RSPO2: variants seen among roughly 807,000 people sequenced by gnomAD.
The protein encoded by RSPO2 is R-spondin-2.
In RSPO2, 14 loss-of-function variants were observed where a neutral mutation model predicts 30.9. That is an observed-to-expected ratio of 0.45 (90% CI 0.30 to 0.71). The LOEUF (loss-of-function observed/expected upper bound fraction) is 0.71, where lower values mean the gene tolerates loss of function less well. RSPO2 is among the 30% of genes least tolerant of loss of function. The probability of loss-of-function intolerance (pLI) is 0.08; values close to 1 mark genes in which losing one functional copy is unlikely to be tolerated. For missense variants in RSPO2, 264 were observed against 301.9 expected, an observed-to-expected ratio of 0.87 and a Z score of 0.93; for synonymous variants, 107 against 96.4, an observed-to-expected ratio of 1.11 and a Z score of -0.64.
At chr8:107,907,873 G>C (rs1811702396) in intron 5 of RSPO2, among the ~76,000 whole-genome samples, 1 of 151,962 alleles carries the variant, frequency 6.6e-6, no homozygotes, top group African/African-American at 2.4e-5. Flanking sequence ...GCTTCTTTAA[G>C]ACTTCAATTT....
chr8:107,907,774 T>A (rs1166508517), intron 5 of RSPO2, among the ~76,000 whole-genome samples: 1 of 152,150 alleles, frequency 6.6e-6, no homozygotes, highest in Non-Finnish European at 1.5e-5. Flanking sequence ...TCAGCCAGTT[T>A]AAATGGGAAG....
At chr8:107,995,145 CTCTTT>C (rs1814972423) in intron 2 of RSPO2, among the ~76,000 whole-genome samples, 1 of 152,248 alleles carries the variant, frequency 6.6e-6, no homozygotes, top group Non-Finnish European at 1.5e-5. Context: ...TATTCTAGGA[CTCTTT>C]TCTATCAACT....
Position 107,989,253 on chromosome 8 carries a change from G to A in RSPO2, c.95-9C>T. ...ATTTGATACATAACTAGCTGTAAAA[G>A]AAAAACAAAAATTGTGTTTAATTAT... On this transcript the variant is annotated splice_polypyrimidine_tract_variant and intron_variant, in intron 2 of 5. Coordinates refer to ENST00000276659, the MANE Select transcript of RSPO2 (RefSeq NM_178565.5). 5 of 1,529,588 alleles carry A rather than the reference G, an allele frequency of 3.3e-6. No individual in the cohort carries two copies. Among genetic ancestry groups the A allele is most frequent in the African/African-American group, 2.8e-5 (2 of 70,440 alleles). 94.8% of individuals were successfully genotyped at this position (1,529,588 alleles called of 1,614,324 possible). A position where few individuals can be genotyped will look rare whatever the true frequency, so the allele number is the denominator to read the frequency against.
At chr8:107,981,074 A>G (rs1814413464) in intron 3 of RSPO2, among the ~76,000 whole-genome samples, 1 of 152,202 alleles carries the variant, frequency 6.6e-6, no homozygotes, top group Admixed American at 6.5e-5. Flanking sequence ...ATCTTTATAG[A>G]TCTTCAAACA....
chr8:108,047,518 C>T (rs1391393605), intron 2 of RSPO2, among the ~76,000 whole-genome samples: 1 of 152,082 alleles, frequency 6.6e-6, no homozygotes, highest in Non-Finnish European at 1.5e-5. Context: ...GGCTGCTGAG[C>T]AGTGCTTCTA....
intron 2 of RSPO2, among the ~76,000 whole-genome samples, chr8:108,069,761 G>T (rs767351674): frequency 6.6e-6 from 1 of 152,168 alleles, no homozygotes. Context: ...GATTCCCACA[G>T]AGTAGACATC....
chr8:108,063,398 G>A (rs1336777302), intron 2 of RSPO2, among the ~76,000 whole-genome samples: 1 of 151,788 alleles, frequency 6.6e-6, no homozygotes, highest in African/African-American at 2.4e-5. Context: ...CAGACAAAAA[G>A]AGAGCCAAAT....
At chr8:107,952,316 C>T (rs1202799028) in intron 5 of RSPO2, among the ~76,000 whole-genome samples, 3 of 146,592 alleles carry the variant, frequency 2.0e-5, no homozygotes, top group South Asian at 2.2e-4. Context: ...CACACACACA[C>T]ATATTATGAT....
At chr8:107,968,147 G>T (rs1342112755) in intron 3 of RSPO2, among the ~76,000 whole-genome samples, 1 of 152,054 alleles carries the variant, frequency 6.6e-6, no homozygotes, top group Non-Finnish European at 1.5e-5. Context: ...TCACTTTCAT[G>T]TTTATTGCAG....
rs141418533 is a variant in RSPO2 at position 107,923,491 on chromosome 8, T to C, written c.617-22301A>G. ...GTGGGAGTATAAATTAATTCAATCA[T>C]TGTGGAAAGCAGTGTAACGATTCCT... On this transcript the variant is annotated intron_variant, in intron 5 of 5. Transcript: ENST00000276659. Among the ~76,000 whole-genome samples the C allele has an allele frequency of 1.2e-3, 181 of 152,256 alleles. 1 individual carries two copies. The highest frequency in any genetic ancestry group is 2.1e-3 in the Non-Finnish European group (146 of 68,028).
chr8:108,076,520 C>A (rs1035124226), intron 2 of RSPO2, among the ~76,000 whole-genome samples: 2 of 152,044 alleles, frequency 1.3e-5, no homozygotes, highest in African/African-American at 4.8e-5. Context: ...ACTCACTAAT[C>A]CGATATAGTT....
intron 2 of RSPO2, among the ~76,000 whole-genome samples, chr8:108,035,431 CTTTT>C (rs983779346): frequency 6.6e-6 from 1 of 151,842 alleles, no homozygotes; most frequent in African/African-American, 2.4e-5. Context: ...CTCACCAGTT[CTTTT>C]TTTTGTTTTG....
chr8:108,013,688 A>G (rs571994294), intron 2 of RSPO2, among the ~76,000 whole-genome samples: 1 of 152,372 alleles, frequency 6.6e-6, no homozygotes, highest in Non-Finnish European at 1.5e-5. Context: ...TACACCTTAT[A>G]TAAAAATTAA....
At chr8:108,006,810 T>A (rs1815467742) in intron 2 of RSPO2, among the ~76,000 whole-genome samples, 1 of 152,182 alleles carries the variant, frequency 6.6e-6, no homozygotes, top group Non-Finnish European at 1.5e-5. Context: ...TTCCCTTGCA[T>A]TCTCTCCCTC....
At chr8:107,970,022 C>G (rs533340864) in intron 3 of RSPO2, among the ~76,000 whole-genome samples, 1 of 152,080 alleles carries the variant, frequency 6.6e-6, no homozygotes, top group Non-Finnish European at 1.5e-5. Context: ...TCCACTCAAC[C>G]CCCATCCAAG....
At chr8:107,982,811 G>A (rs1814492687) in intron 3 of RSPO2, among the ~76,000 whole-genome samples, 1 of 152,110 alleles carries the variant, frequency 6.6e-6, no homozygotes, top group South Asian at 2.1e-4. Context: ...CTGCTTCTGG[G>A]ACATCATCCT....
intron 2 of RSPO2, among the ~76,000 whole-genome samples, chr8:108,071,407 C>A (rs866416006): frequency 1.2e-4 from 18 of 152,290 alleles, no homozygotes; most frequent in Middle Eastern, 6.8e-3. Context: ...CTAACCTCAA[C>A]CCACTAATAG....
chr8:108,058,268 A>G (rs1812321682), intron 2 of RSPO2, among the ~76,000 whole-genome samples: 1 of 152,200 alleles, frequency 6.6e-6, no homozygotes, highest in Admixed American at 6.5e-5. Context: ...AGAAAATAAA[A>G]TACCTAGGAA....
At chr8:108,072,231 C>G (rs1221091958) in intron 2 of RSPO2, among the ~76,000 whole-genome samples, 1 of 150,060 alleles carries the variant, frequency 6.7e-6, no homozygotes, top group African/African-American at 2.4e-5. Flanking sequence ...CAGCGCAGAT[C>G]ATTCAACATT....
Sources: gnomAD v4.1 joint callset for allele counts (sites outside exome capture counted in the v4.1 genomes callset) on GRCh38, gnomAD v4.1.1 for gene constraint, MANE v1.5 for transcripts, NCBI Gene and HGNC (gene_info 2026-07-23, HGNC 2026-07-21) for gene names.